The following EXD3 variants were observed in gnomAD, a reference collection of about 807,000 sequenced individuals.
EXD3 encodes exonuclease 3'-5' domain containing 3.
A neutral mutation model predicts 98.0 loss-of-function variants in EXD3; 92 were observed. The observed-to-expected ratio is 0.94, with a 90% CI of 0.79 to 1.12. The LOEUF is 1.12. EXD3 is among the 50% of genes most tolerant of loss of function. The pLI, the probability that EXD3 is intolerant of heterozygous loss-of-function variation, is 0.00. For missense variants in EXD3, 1,222 were observed against 1,191.6 expected (o/e 1.03, Z -0.38); for synonymous variants, 569 against 526.0 (o/e 1.08, Z -1.12).
At chr9:137,414,370 G>A (rs1398486657) in intron 1 of EXD3, among the ~76,000 whole-genome samples, 1 of 152,176 alleles carries the variant, frequency 6.6e-6, no homozygotes, top group Non-Finnish European at 1.5e-5. Context: ...CAGACATTCG[G>A]GCCGCACCCC....
intron 3 of EXD3, chr9:137,377,001 C>A (rs1019604141): frequency 2.6e-5 from 4 of 151,668 alleles, no homozygotes; most frequent in Non-Finnish European, 5.9e-5. Flanking sequence ...AGGCATGAGG[C>A]CTGCGCTTCT....
intron 20 of EXD3, among the ~76,000 whole-genome samples, chr9:137,308,193 C>T (rs964370253): frequency 3.9e-5 from 6 of 152,132 alleles, no homozygotes; most frequent in African/African-American, 1.2e-4. Context: ...GCTGAGTGCA[C>T]GGTAGCCGAG....
chr9:137,387,860 GC>G (rs1470047312), intron 2 of EXD3, among the ~76,000 whole-genome samples: 1 of 152,156 alleles, frequency 6.6e-6, no homozygotes, highest in African/African-American at 2.4e-5. Context: ...GTGGCCTCTG[GC>G]CCCCACCTCC....
In EXD3 at chr9:137,356,365, C is replaced by T; in HGVS notation, c.660G>A (p.Arg220=). Residue 220 remains arginine, a synonymous_variant, in exon 8 of 22, where the codon CGG becomes CGA. Transcript: ENST00000340951. ...GGCTCAAGGAGGTCACCTCAGGGTA[C>T]CGTCTGTGGGGAGAGAGAGGCACAG... ...PGFDIKDVAR[R]YPEVTSLSLE... The T allele has an allele frequency of 6.3e-7, 1 of 1,593,106 alleles. No individual in the cohort carries two copies. The highest frequency in any genetic ancestry group is 8.6e-7 in the Non-Finnish European group (1 of 1,167,950).
chr9:137,337,672 G>A (rs9695086), intron 17 of EXD3, among the ~76,000 whole-genome samples: 129,102 of 151,418 alleles, frequency 0.85, 55,319 homozygotes, highest in East Asian at 1. Flanking sequence ...TGTTTTGAAC[G>A]ACACATTTGG....
chr9:137,384,185 G>T (rs186894400), intron 2 of EXD3, among the ~76,000 whole-genome samples: 3 of 152,328 alleles, frequency 2.0e-5, no homozygotes, highest in Admixed American at 6.5e-5. Flanking sequence ...GGCAGGACGG[G>T]AACAGGGAAG....
rs1486774747 is a variant in EXD3 at position 137,366,647 on chromosome 9, A to G, written c.517-15T>C. ...GGGATGCTCATCTGCAGGGGGACAC[A>G]CGGTCAGGCCACAGCCTCCGCCACC... On this transcript the variant is annotated splice_polypyrimidine_tract_variant and intron_variant, in intron 6 of 21. Coordinates refer to ENST00000340951, the MANE Select transcript of EXD3 (RefSeq NM_017820.5). 2.6e-6 allele frequency: 4 copies of G among 1,554,288 alleles called. No individual in the cohort carries two copies. Among genetic ancestry groups the G allele is most frequent in the African/African-American group, 2.7e-5 (2 of 72,954 alleles).
At chr9:137,401,410 C>T (rs180696508) in intron 1 of EXD3, among the ~76,000 whole-genome samples, 133 of 152,290 alleles carry the variant, frequency 8.7e-4, no homozygotes, top group African/African-American at 3.1e-3. Context: ...CTGCCTCGGC[C>T]TCCCAAAGTG....
At chr9:137,357,746 A>G (rs1588343076) in intron 7 of EXD3, among the ~76,000 whole-genome samples, 1 of 149,804 alleles carries the variant, frequency 6.7e-6, no homozygotes, top group Non-Finnish European at 1.5e-5. Flanking sequence ...ATATATGTGT[A>G]TATATATATA....
intron 3 of EXD3, chr9:137,374,995 G>T: frequency 2.7e-6 from 1 of 365,682 alleles, no homozygotes; most frequent in Non-Finnish European, 3.8e-6. Context: ...TGTAGCTCTT[G>T]TGAGTTCTAA....
Position 137,380,327 on chromosome 9 carries a change from G to T in EXD3, c.120+2986C>A, listed in dbSNP as rs1461671410. Among the ~76,000 whole-genome samples, 5 of 9,848 alleles carry T rather than the reference G, an allele frequency of 5.1e-4. No homozygotes were observed. In the East Asian group the frequency reaches 0.012, roughly 24 times the overall value. 6.5% of individuals were successfully genotyped at this position (9,848 alleles called of 152,430 possible). A position where few individuals can be genotyped will look rare whatever the true frequency, so the allele number is the denominator to read the frequency against. On this transcript the variant is annotated intron_variant, in intron 3 of 21. Coordinates refer to ENST00000340951, the MANE Select transcript of EXD3 (RefSeq NM_017820.5). ...TCTGGGCGTCCCCCCCAATCCCCCT[G>T]CCAGTATCCCCCCCCACCCCAACCC...
At chr9:137,356,825 C>G (rs1834813827) in intron 7 of EXD3, among the ~76,000 whole-genome samples, 1 of 152,162 alleles carries the variant, frequency 6.6e-6, no homozygotes, top group Non-Finnish European at 1.5e-5. Context: ...TGATACTTGG[C>G]TCCTCCTGCC....
chr9:137,406,382 C>T (rs1313445406), intron 1 of EXD3, among the ~76,000 whole-genome samples: 3 of 148,308 alleles, frequency 2.0e-5, no homozygotes, highest in Non-Finnish European at 4.5e-5. Context: ...AGCAAGTTAT[C>T]TGGAGCTGAG....
chr9:137,307,622 G>A lies in EXD3; in HGVS notation c.2303C>T (p.Ala768Val), dbSNP rs915690761. Residue 768 changes from alanine to valine, a missense_variant, in exon 21 of 22, where the codon GCG becomes GTG. By Grantham distance (64) the Ala-to-Val change is moderately conservative. Coordinates refer to ENST00000340951, the MANE Select transcript of EXD3 (RefSeq NM_017820.5). ...SSGDEATQSQ[A>V]VQEPGPAPDA... ...CCGGGGCTCACCTGGCTCCTGCACC[G>A]CCTGGCTCTGGGTGGCCTCGTCACC... is the stretch of plus-strand genomic sequence containing the variant. 58 of 1,609,990 alleles carry A rather than the reference G, an allele frequency of 3.6e-5. No homozygotes were observed. The highest frequency in any genetic ancestry group is 4.7e-5 in the Non-Finnish European group (55 of 1,179,678).
In EXD3 at chr9:137,360,176, G is replaced by GCTAT. The variant is rs1228057819; in HGVS notation, c.657-3812_657-3809dup. ...GTGCTTAGCAACTTTTCCTACATTG[G>GCTAT]CTATCTGGATATCCTCTTTTGTGAT... On this transcript the variant is annotated intron_variant, in intron 7 of 21. Coordinates refer to ENST00000340951, the MANE Select transcript of EXD3 (RefSeq NM_017820.5). Among the ~76,000 whole-genome samples, 4 of 85,810 alleles carry GCTAT rather than the reference G, an allele frequency of 4.7e-5. 2 individuals carry two copies. The highest frequency in any genetic ancestry group is 1.1e-4 in the Non-Finnish European group (4 of 34,990). 56.3% of individuals were successfully genotyped at this position (85,810 alleles called of 152,430 possible). A position where few individuals can be genotyped will look rare whatever the true frequency, so the allele number is the denominator to read the frequency against.
At chr9:137,419,856 C>A (rs978530361) in intron 1 of EXD3, among the ~76,000 whole-genome samples, 1 of 151,148 alleles carries the variant, frequency 6.6e-6, no homozygotes, top group African/African-American at 2.4e-5. Flanking sequence ...GATTGTTAAC[C>A]CAACATCATA....
At chr9:137,420,383 CTGATT>C (rs1267238647) in intron 1 of EXD3, among the ~76,000 whole-genome samples, 16 of 152,166 alleles carry the variant, frequency 1.1e-4, no homozygotes, top group African/African-American at 3.4e-4. Flanking sequence ...TTTTCTCTAC[CTGATT>C]TCTCAAAAAT....
At position 137,309,649 on chromosome 9, in the gene EXD3, G is replaced by A. The variant is rs200514252; in HGVS notation, c.2236C>T (p.Leu746Phe). The change falls in exon 20 of 22, where the codon CTC becomes TTC. Residue 746 changes from leucine (L) to phenylalanine (F), a missense_variant. Coordinates refer to ENST00000340951, the MANE Select transcript of EXD3 (RefSeq NM_017820.5). ...TCCTGGTGACTGCTGAGCCACATGA[G>A]CTGCTTCATCATGTCCCTGGAGACC... The part of the protein sequence containing the change: ...LKVSRDMMKQ[L>F]MWLSSHQEGP... The A allele has an allele frequency of 1.9e-6, 3 of 1,563,060 alleles. No individual in the cohort carries two copies. Among genetic ancestry groups the A allele is most frequent in the Non-Finnish European group, 1.7e-6 (2 of 1,153,720 alleles).
At chr9:137,367,239 C>T (rs1229646009) in intron 6 of EXD3, among the ~76,000 whole-genome samples, 3 of 152,308 alleles carry the variant, frequency 2.0e-5, no homozygotes, top group South Asian at 2.1e-4. Flanking sequence ...GGACAGTCCT[C>T]GGGCAGAACG....
Sources: gnomAD v4.1 joint callset for allele counts (sites outside exome capture counted in the v4.1 genomes callset) on GRCh38, gnomAD v4.1.1 for gene constraint, MANE v1.5 for transcripts, NCBI Gene and HGNC (gene_info 2026-07-23, HGNC 2026-07-21) for gene names.